HERC4: variants seen among roughly 807,000 people sequenced by gnomAD.
HERC4 encodes the protein HECT and RLD domain containing E3 ubiquitin protein ligase 4, also known as probable E3 ubiquitin-protein ligase HERC4.
Under a neutral mutation model 124.3 loss-of-function variants are expected in HERC4, and 28 were observed. That is an observed-to-expected ratio of 0.23 (90% CI 0.17 to 0.31). The LOEUF (loss-of-function observed/expected upper bound fraction) is 0.31. Ranked by LOEUF, HERC4 falls within the 10% of genes least tolerant of loss-of-function variation. The pLI, the probability that HERC4 is intolerant of heterozygous loss-of-function variation, is 1.00. For missense variants in HERC4, 713 were observed against 1,229.3 expected, an observed-to-expected ratio of 0.58 and a Z score of 6.28; for synonymous variants, 407 against 421.5, an observed-to-expected ratio of 0.97 and a Z score of 0.42.
chr10:68,039,466 C>T lies in HERC4; in HGVS notation c.387-1297G>A, dbSNP rs180786384. On this transcript the variant is annotated intron_variant, in intron 4 of 24. Coordinates refer to ENST00000373700, the MANE Select transcript of HERC4 (RefSeq NM_015601.4). ...GAGCAAATTCTGACCAGAGAGTCGA[C>T]ACACATGATTTTCGGGAAGCAGCTT... The T allele has an allele frequency of 3.3e-5, 51 of 1,550,892 alleles. No individual in the cohort carries two copies. The African/African-American group carries it at 6.0e-4, about 18-fold the overall frequency.
At chr10:68,072,806 G>A (rs910711438) in intron 3 of HERC4, 77 bp downstream of exon 3, 58 of 1,019,818 alleles carry the variant, frequency 5.7e-5, no homozygotes, top group Admixed American at 8.6e-5. Flanking sequence ...GTTACAACTA[G>A]AGAAATTATA....
chr10:68,066,331 C>T (rs2041301875), intron 3 of HERC4, among the ~76,000 whole-genome samples: 2 of 152,154 alleles, frequency 1.3e-5, no homozygotes, highest in African/African-American at 2.4e-5. Flanking sequence ...ACTAGACTAC[C>T]TAGACTGCCA....
intron 5 of HERC4, among the ~76,000 whole-genome samples, chr10:68,035,333 T>A (rs1203383749): frequency 6.6e-6 from 1 of 151,998 alleles, no homozygotes; most frequent in Admixed American, 6.6e-5. Flanking sequence ...TTAAAAAATA[T>A]TTTTAGTAGA....
chr10:67,927,668 G>A (rs1311252886), intron 23 of HERC4, among the ~76,000 whole-genome samples: 3 of 151,446 alleles, frequency 2.0e-5, no homozygotes, highest in African/African-American at 4.9e-5. Flanking sequence ...CTCGTGATCC[G>A]CCTGCCTCAG....
At chr10:67,923,214 C>G (rs1036938487) in intron 24 of HERC4, 75 bp from the exon 25 acceptor site, 2 of 1,094,824 alleles carry the variant, frequency 1.8e-6, no homozygotes, top group Non-Finnish European at 2.7e-6. Context: ...TTGGTACAGT[C>G]GCTACAGCAG....
intron 3 of HERC4, among the ~76,000 whole-genome samples, chr10:68,057,727 G>C (rs2040622185): frequency 1.3e-5 from 2 of 148,228 alleles, no homozygotes; most frequent in Admixed American, 6.7e-5. Context: ...TTTCTTTTAA[G>C]ACAGAGTCTT....
At chr10:68,019,996 T>C (rs1218967860) in intron 8 of HERC4, among the ~76,000 whole-genome samples, 2 of 152,218 alleles carry the variant, frequency 1.3e-5, no homozygotes, top group Admixed American at 1.3e-4. Context: ...TTTCATTTTT[T>C]CCTTGTTTCT....
intron 15 of HERC4, among the ~76,000 whole-genome samples, chr10:67,981,265 C>T (rs1270998054): frequency 1.3e-5 from 2 of 152,108 alleles, no homozygotes; most frequent in Non-Finnish European, 2.9e-5. Flanking sequence ...AAATAGATTA[C>T]AAAAGTGTAA....
At position 67,922,920 on chromosome 10, in the gene HERC4, T is replaced by C. The variant is rs202129383; in HGVS notation, c.*11A>G. ...GCTTTTGCACTAAACTGAATAGTTA[T>C]AACTCCAAAGTTATATTAAACTGAA... On this transcript the variant is annotated 3_prime_UTR_variant, in exon 25 of 25. Transcript: ENST00000373700. 2.1e-3 allele frequency: 3,375 copies of C among 1,575,054 alleles called. 97 individuals carry two copies. The South Asian group carries it at 0.036, about 17-fold the overall frequency.
rs1324671240 is a variant in HERC4 at position 67,966,755 on chromosome 10, T to G, written c.1854A>C (p.Ile618=). 1 of 1,589,760 alleles carries G rather than the reference T, an allele frequency of 6.3e-7. No homozygotes were observed. Among genetic ancestry groups the G allele is most frequent in the East Asian group, 2.2e-5 (1 of 44,600 alleles). ...TGTCTATCAATTCTTGTACTTCATGTATATAAAATTTATCATACTGTATAA... is the reference window on the plus strand; with the variant it reads ...TGTCTATCAATTCTTGTACTTCATGGATATAAAATTTATCATACTGTATAA... ...GQIIQYDKFY[I]HEVQELIDIR... is the part of the protein sequence containing the mutation. Residue 618 remains isoleucine (I), a synonymous_variant, in exon 16 of 25, where the codon ATA becomes ATC. Coordinates refer to ENST00000373700, the MANE Select transcript of HERC4 (RefSeq NM_015601.4).
At chr10:68,021,527 T>C (rs59977433) in intron 8 of HERC4, among the ~76,000 whole-genome samples, 12,052 of 152,082 alleles carry the variant, frequency 0.079, 1,261 homozygotes, top group African/African-American at 0.24. Context: ...AGAAATAAAA[T>C]GCTGCGTGCA....
intron 8 of HERC4, among the ~76,000 whole-genome samples, chr10:68,025,034 C>T (rs1025040151): frequency 6.6e-6 from 1 of 152,044 alleles, no homozygotes; most frequent in African/African-American, 2.4e-5. Flanking sequence ...TAAGCCTGGG[C>T]AACATAATGA....
At chr10:67,938,115 G>C (rs2032530319) in intron 21 of HERC4, among the ~76,000 whole-genome samples, 1 of 151,786 alleles carries the variant, frequency 6.6e-6, no homozygotes, top group Non-Finnish European at 1.5e-5. Flanking sequence ...TGTGTGGCAG[G>C]GTGGCAAACA....
rs2034653623 is a variant in HERC4, at chr10:67,963,461, C to T, written c.1926+3222G>A. 3.3e-5 allele frequency among the ~76,000 whole-genome samples: 5 copies of T among 152,294 alleles called. No homozygotes were observed. The South Asian group carries it at 1.0e-3, about 32-fold the overall frequency. On this transcript the variant is annotated intron_variant, in intron 16 of 24. Coordinates refer to ENST00000373700, the MANE Select transcript of HERC4 (RefSeq NM_015601.4). Reference sequence around the variant, plus strand: ...AGAACTTCTGACCTCAGGTGATCTGCCCACCTCGGCCTCCCAAAGTGCTGG... The same window carrying T: ...AGAACTTCTGACCTCAGGTGATCTGTCCACCTCGGCCTCCCAAAGTGCTGG...
intron 14 of HERC4, 60 bp from the exon 15 acceptor site, chr10:67,988,895 A>T: frequency 7.3e-7 from 1 of 1,364,116 alleles, no homozygotes; most frequent in Non-Finnish European, 1.0e-6. Flanking sequence ...ACAATTTTCA[A>T]AATCATACTG....
intron 8 of HERC4, 81 bp downstream of exon 8, chr10:68,025,465 G>A: frequency 7.0e-7 from 1 of 1,436,708 alleles, no homozygotes; most frequent in Non-Finnish European, 9.4e-7. Context: ...CAGATTATTA[G>A]GATCTCTGAA....
chr10:68,060,006 TA>T (rs904933834), intron 3 of HERC4, among the ~76,000 whole-genome samples: 4 of 144,114 alleles, frequency 2.8e-5, no homozygotes, highest in Admixed American at 7.8e-5. Context: ...TCCATTGTTC[TA>T]ATTGGCTCTT....
At chr10:68,005,415 T>C (rs2037481340) in intron 9 of HERC4, among the ~76,000 whole-genome samples, 1 of 152,194 alleles carries the variant, frequency 6.6e-6, no homozygotes, top group African/African-American at 2.4e-5. Context: ...TTATTTTCAG[T>C]GTATGTGTGT....
intron 3 of HERC4, among the ~76,000 whole-genome samples, chr10:68,059,060 C>G (rs2133701610): frequency 6.6e-6 from 1 of 151,882 alleles, no homozygotes; most frequent in Admixed American, 6.6e-5. Flanking sequence ...TTAAAAAACC[C>G]AAAATGTAGC....
Sources: allele counts gnomAD v4.1 joint callset (sites outside exome capture counted in the v4.1 genomes callset), GRCh38; gene constraint gnomAD v4.1.1; transcripts MANE v1.5; gene names NCBI Gene and HGNC (gene_info 2026-07-23, HGNC 2026-07-21).